The following SUPT3H variants were observed in gnomAD, a reference collection of about 807,000 sequenced individuals.
SUPT3H encodes the protein SPT3 homolog, SAGA and STAGA complex component, also known as transcription initiation protein SPT3 homolog.
In SUPT3H, 44 loss-of-function variants were observed where a neutral mutation model predicts 44.3. The ratio of observed to expected loss-of-function variants is 0.99; its 90% confidence interval spans 0.78 to 1.28. The LOEUF (loss-of-function observed/expected upper bound fraction) is 1.28, where lower values mean the gene tolerates loss of function less well. Ranked by LOEUF, SUPT3H falls within the 50% of genes most tolerant of loss-of-function variation. The pLI is 0.00. For missense variants in SUPT3H, 380 were observed against 387.1 expected, an observed-to-expected ratio of 0.98 and a Z score of 0.15; for synonymous variants, 124 against 125.6, an observed-to-expected ratio of 0.99 and a Z score of 0.09.
intron 2 of SUPT3H, chr6:45,321,773 G>C: frequency 6.6e-7 from 1 of 1,521,924 alleles, no homozygotes; most frequent in Non-Finnish European, 9.1e-7. Flanking sequence ...AAAGCGATAG[G>C]AACACAATTT....
rs1793550274 is a variant in SUPT3H at position 45,357,983 on chromosome 6, A to G, written c.101+7218T>C. 7.9e-5 allele frequency among the ~76,000 whole-genome samples: 12 copies of G among 152,292 alleles called. No individual in the cohort carries two copies. The South Asian group carries it at 2.5e-3, about 32-fold the overall frequency. ...ATTCATACTTTCTAAAAAATGGAAC[A>G]TAAATGTAATATTAAACTTCTCAAT... On this transcript the variant is annotated intron_variant, in intron 2 of 10. Coordinates refer to ENST00000371459, the MANE Select transcript of SUPT3H (RefSeq NM_003599.4).
chr6:45,231,981 T>C lies in SUPT3H; in HGVS notation c.102-125975A>G, dbSNP rs957016473. 7.9e-5 allele frequency among the ~76,000 whole-genome samples: 12 copies of C among 152,188 alleles called. No individual in the cohort carries two copies. The East Asian group carries it at 2.1e-3, about 27-fold the overall frequency. On this transcript the variant is annotated intron_variant, in intron 2 of 10. Coordinates refer to ENST00000371459, the MANE Select transcript of SUPT3H (RefSeq NM_003599.4). ...CTGTTTGATAAATTTCTCATAAATA[T>C]CCTGAATTCTCATTTTTTGTATTTT...
chr6:45,064,326 G>C (rs1212997650), intron 3 of SUPT3H, among the ~76,000 whole-genome samples: 6 of 147,290 alleles, frequency 4.1e-5, no homozygotes, highest in Non-Finnish European at 6.0e-5. Flanking sequence ...ACATGGAAAG[G>C]AACAACTGGT....
intron 10 of SUPT3H, among the ~76,000 whole-genome samples, chr6:44,865,397 C>G (rs1333268677): frequency 6.6e-6 from 1 of 151,762 alleles, no homozygotes; most frequent in Non-Finnish European, 1.5e-5. Flanking sequence ...ACTCCTGGTA[C>G]CCATTTACTG....
At chr6:45,099,759 AATTT>A (rs1195533049) in intron 3 of SUPT3H, among the ~76,000 whole-genome samples, 2 of 152,226 alleles carry the variant, frequency 1.3e-5, no homozygotes, top group African/African-American at 4.8e-5. Context: ...AATACCTAAT[AATTT>A]ATTAAAGCAG....
intron 2 of SUPT3H, among the ~76,000 whole-genome samples, chr6:45,177,656 G>C (rs1468536353): frequency 3.3e-5 from 5 of 151,168 alleles, no homozygotes; most frequent in African/African-American, 7.3e-5. Context: ...AAAATGTTAA[G>C]GGCAGCCACA....
At chr6:45,348,205 C>T (rs1791280914) in intron 2 of SUPT3H, among the ~76,000 whole-genome samples, 3 of 151,990 alleles carry the variant, frequency 2.0e-5, no homozygotes, top group Admixed American at 2.0e-4. Context: ...TATAACATAG[C>T]AGTTAAAAGT....
At chr6:45,203,064 G>A (rs1437966519) in intron 2 of SUPT3H, among the ~76,000 whole-genome samples, 9 of 152,020 alleles carry the variant, frequency 5.9e-5, no homozygotes, top group Non-Finnish European at 1.3e-4. Context: ...ACTCCATGAA[G>A]GAAGTCTTGC....
chr6:45,119,758 G>T (rs1391758023), intron 2 of SUPT3H, among the ~76,000 whole-genome samples: 1 of 151,998 alleles, frequency 6.6e-6, no homozygotes, highest in Non-Finnish European at 1.5e-5. Flanking sequence ...ACATGTAGAA[G>T]GAAAAATGTT....
At chr6:45,057,139 G>A (rs938138484) in intron 3 of SUPT3H, among the ~76,000 whole-genome samples, 1 of 152,030 alleles carries the variant, frequency 6.6e-6, no homozygotes, top group Admixed American at 6.5e-5. Context: ...AAACATAGAA[G>A]TTCACCCTAA....
intron 10 of SUPT3H, chr6:44,898,736 G>A (rs538936834): frequency 5.2e-5 from 8 of 152,428 alleles, no homozygotes; most frequent in East Asian, 1.9e-4. Flanking sequence ...ACTGCACAGC[G>A]TGACACCTGG....
intron 9 of SUPT3H, among the ~76,000 whole-genome samples, chr6:44,941,376 C>T (rs1176885258): frequency 6.6e-6 from 1 of 152,028 alleles, no homozygotes; most frequent in East Asian, 1.9e-4. Context: ...GCTATTTCTC[C>T]TTCATTTATG....
chr6:44,869,341 A>T (rs1775988822), intron 10 of SUPT3H, among the ~76,000 whole-genome samples: 1 of 151,928 alleles, frequency 6.6e-6, no homozygotes, highest in Non-Finnish European at 1.5e-5. Context: ...ATTTCAAGGG[A>T]CTCGAGAAAA....
At chr6:45,042,794 A>T (rs1403892107) in intron 3 of SUPT3H, among the ~76,000 whole-genome samples, 2 of 128,442 alleles carry the variant, frequency 1.6e-5, no homozygotes, top group African/African-American at 6.1e-5. Context: ...AGACACATGC[A>T]CATGTATGTT....
At chr6:44,812,401 A>AGAACATCAAGTCATTTTCATG (rs1459120514) in intron 11 of SUPT3H, among the ~76,000 whole-genome samples, 1 of 152,324 alleles carries the variant, frequency 6.6e-6, no homozygotes, top group South Asian at 2.1e-4. Flanking sequence ...CTTCAAAGCT[A>AGAACATCAAGTCATTTTCATG]GAACATCAAG....
chr6:44,925,599 A>C (rs1285069825), intron 10 of SUPT3H, among the ~76,000 whole-genome samples: 1 of 152,174 alleles, frequency 6.6e-6, no homozygotes, highest in African/African-American at 2.4e-5. Flanking sequence ...AGCAATTTAC[A>C]GCACTTCCCA....
At chr6:44,926,374 G>A (rs994844780) in intron 10 of SUPT3H, among the ~76,000 whole-genome samples, 168 of 151,878 alleles carry the variant, frequency 1.1e-3, no homozygotes, top group Non-Finnish European at 3.8e-4. Flanking sequence ...AAAACATATC[G>A]AATTAGAAAA....
intron 3 of SUPT3H, among the ~76,000 whole-genome samples, chr6:45,056,342 A>G (rs1001385235): frequency 6.6e-6 from 1 of 152,228 alleles, no homozygotes; most frequent in Non-Finnish European, 1.5e-5. Flanking sequence ...ATCTACCCAG[A>G]GGAAAATAAG....
At chr6:44,840,094 G>T (rs1770703052) in intron 10 of SUPT3H, among the ~76,000 whole-genome samples, 1 of 152,228 alleles carries the variant, frequency 6.6e-6, no homozygotes, top group African/African-American at 2.4e-5. Flanking sequence ...CCTTACAAAA[G>T]AATGTGGCTG....
Sources: allele counts gnomAD v4.1 joint callset (sites outside exome capture counted in the v4.1 genomes callset), GRCh38; gene constraint gnomAD v4.1.1; transcripts MANE v1.5; gene names NCBI Gene and HGNC (gene_info 2026-07-23, HGNC 2026-07-21).